The following JMJD1C variants were observed in gnomAD, a reference collection of about 807,000 sequenced individuals.
JMJD1C encodes the protein jumonji domain containing 1C, also known as jumonji domain-containing protein 1C.
JMJD1C carries 31 observed loss-of-function variants against 245.3 expected under a neutral mutation model. That is an observed-to-expected ratio of 0.13 (90% CI 0.09 to 0.17). The LOEUF is 0.17. Ranked by LOEUF, JMJD1C falls within the 10% of genes least tolerant of loss-of-function variation. JMJD1C has a pLI of 1.00. For missense variants in JMJD1C, 2,691 were observed against 3,000.2 expected (o/e 0.90, Z 2.41); for synonymous variants, 1,057 against 1,017.4 (o/e 1.04, Z -0.74).
intron 12 of JMJD1C, 119 bp downstream of exon 12, chr10:63,198,394 C>A: frequency 1.5e-6 from 1 of 667,158 alleles, no homozygotes; most frequent in South Asian, 2.0e-5. Flanking sequence ...AAAAAGGTAT[C>A]ATTATCATAA....
chr10:63,192,814 C>G, intron 16 of JMJD1C, 124 bp downstream of exon 16: 1 of 727,454 alleles, frequency 1.4e-6, no homozygotes, highest in East Asian at 2.6e-5. Context: ...ACCCATAATT[C>G]AAGAAAAAGA....
Position 63,380,351 on chromosome 10 carries a change from T to C in JMJD1C, c.300A>G (p.Gly100=), listed in dbSNP as rs1372917822. The C allele has an allele frequency of 6.2e-7, 1 of 1,614,116 alleles. No individual in the cohort carries two copies. Among genetic ancestry groups the C allele is most frequent in the East Asian group, 2.2e-5 (1 of 44,874 alleles). Residue 100 remains glycine (G), a synonymous_variant, in exon 2 of 26, where the codon GGA becomes GGG. Coordinates refer to ENST00000399262, the MANE Select transcript of JMJD1C (RefSeq NM_032776.3). ...AKRNDPSQTQ[G]SKSKQIQWPA... is the part of the protein sequence containing the mutation. ...GCCACTGAATCTGTTTGCTCTTTGA[T>C]CCCTGAGTCTGGCTAGGGTCATTCC...
chr10:63,209,742 T>TC (rs1847101343), intron 8 of JMJD1C, among the ~76,000 whole-genome samples: 3 of 152,140 alleles, frequency 2.0e-5, no homozygotes, highest in African/African-American at 7.2e-5. Flanking sequence ...CCAAATGCAC[T>TC]CCCCATTTCA....
chr10:63,424,518 T>TTTTTTTTTTTTTC (rs1554931988), intron 1 of JMJD1C, among the ~76,000 whole-genome samples: 1 of 147,318 alleles, frequency 6.8e-6, no homozygotes, highest in Non-Finnish European at 1.5e-5. Context: ...TTTTTTTTTT[T>TTTTTTTTTTTTTC]CTTTTTGAGA....
At chr10:63,430,110 C>T (rs1330967249) in intron 1 of JMJD1C, among the ~76,000 whole-genome samples, 1 of 152,164 alleles carries the variant, frequency 6.6e-6, no homozygotes, top group African/African-American at 2.4e-5. Flanking sequence ...AGAAGAGTCT[C>T]TTAAATAGTA....
chr10:63,346,597 C>A (rs1362613623), intron 2 of JMJD1C, among the ~76,000 whole-genome samples: 3 of 152,162 alleles, frequency 2.0e-5, no homozygotes, highest in Non-Finnish European at 4.4e-5. Flanking sequence ...CACTTCTGTA[C>A]CTCATATTTC....
At chr10:63,331,904 G>C (rs1293798191) in intron 2 of JMJD1C, among the ~76,000 whole-genome samples, 1 of 152,176 alleles carries the variant, frequency 6.6e-6, no homozygotes, top group Non-Finnish European at 1.5e-5. Context: ...ACATACATGA[G>C]CCACAGCACC....
At chr10:63,358,598 G>C (rs968370965) in intron 2 of JMJD1C, 5 of 151,980 alleles carry the variant, frequency 3.3e-5, no homozygotes, top group Non-Finnish European at 5.9e-5. Flanking sequence ...TGAAAACTCA[G>C]TAATATGGTT....
chr10:63,394,676 G>A (rs1353275062), intron 1 of JMJD1C, among the ~76,000 whole-genome samples: 1 of 151,928 alleles, frequency 6.6e-6, no homozygotes, highest in African/African-American at 2.4e-5. Flanking sequence ...GAAACCCTGT[G>A]TCTACTAATA....
At chr10:63,521,683 G>C in intron 1 of JMJD1C, 1 of 790,648 alleles carries the variant, frequency 1.3e-6, no homozygotes, top group South Asian at 4.2e-5. Context: ...GGCGGGGACG[G>C]GGTAGCCCGG....
chr10:63,447,569 C>CTT (rs1951789715), intron 1 of JMJD1C, among the ~76,000 whole-genome samples: 1 of 152,142 alleles, frequency 6.6e-6, no homozygotes, highest in African/African-American at 2.4e-5. Flanking sequence ...GCTGGGTACT[C>CTT]TAACATGAAT....
chr10:63,213,341 G>C, intron 8 of JMJD1C, 132 bp downstream of exon 8: 1 of 604,460 alleles, frequency 1.7e-6, no homozygotes, highest in Non-Finnish European at 2.8e-6. Flanking sequence ...CTAAGTGTAT[G>C]GAAAAACAAC....
At chr10:63,249,961 A>T (rs1316313235) in intron 3 of JMJD1C, among the ~76,000 whole-genome samples, 1 of 152,176 alleles carries the variant, frequency 6.6e-6, no homozygotes, top group Non-Finnish European at 1.5e-5. Context: ...AAATGTATTA[A>T]ATTATCACAT....
chr10:63,187,557 C>T (rs1844273459), intron 18 of JMJD1C, among the ~76,000 whole-genome samples: 1 of 152,110 alleles, frequency 6.6e-6, no homozygotes, highest in Admixed American at 6.5e-5. Context: ...CCTGCCTCAG[C>T]CTCCCAAGTA....
intron 1 of JMJD1C, among the ~76,000 whole-genome samples, chr10:63,485,179 T>G (rs1003299867): frequency 6.6e-6 from 1 of 152,114 alleles, no homozygotes; most frequent in African/African-American, 2.4e-5. Context: ...GCCAGGCATA[T>G]AAGTGCAGAG....
At chr10:63,300,036 C>A (rs1859892848) in intron 2 of JMJD1C, among the ~76,000 whole-genome samples, 1 of 152,106 alleles carries the variant, frequency 6.6e-6, no homozygotes, top group Non-Finnish European at 1.5e-5. Context: ...ATTAGAACTG[C>A]TGATGATCTG....
At chr10:63,228,389 T>C (rs1207402019) in intron 3 of JMJD1C, among the ~76,000 whole-genome samples, 5 of 152,192 alleles carry the variant, frequency 3.3e-5, no homozygotes, top group African/African-American at 1.2e-4. Context: ...CAGTGGCTTG[T>C]ACCTCTAATC....
chr10:63,247,854 CA>C (rs1852454950), intron 3 of JMJD1C, among the ~76,000 whole-genome samples: 2 of 141,772 alleles, frequency 1.4e-5, no homozygotes, highest in Non-Finnish European at 3.1e-5. Context: ...CAAAACAAAA[CA>C]AAACAAAACA....
At chr10:63,278,840 CAAA>C (rs113538798) in intron 2 of JMJD1C, among the ~76,000 whole-genome samples, 4 of 83,784 alleles carry the variant, frequency 4.8e-5, no homozygotes, top group African/African-American at 6.5e-5. Flanking sequence ...ACTCCCATCT[CAAA>C]AAAAAAAAAA....
Sources: allele counts gnomAD v4.1 joint callset (sites outside exome capture counted in the v4.1 genomes callset), GRCh38; gene constraint gnomAD v4.1.1; transcripts MANE v1.5; gene names NCBI Gene and HGNC (gene_info 2026-07-23, HGNC 2026-07-21).